Variants in BRINP1 observed in about 807,000 individuals in gnomAD.
BRINP1 encodes the protein BMP/retinoic acid inducible neural specific 1, also known as BMP/retinoic acid-inducible neural-specific protein 1.
A neutral mutation model predicts 72.9 loss-of-function variants in BRINP1; 17 were observed. The observed-to-expected ratio is 0.23, with a 90% CI of 0.16 to 0.35. The LOEUF is 0.35. Ranked by LOEUF, BRINP1 falls within the 10% of genes least tolerant of loss-of-function variation. The probability of loss-of-function intolerance (pLI) is 1.00; values close to 1 mark genes in which losing one functional copy is unlikely to be tolerated. For missense variants in BRINP1, 850 were observed against 1,001.6 expected, an observed-to-expected ratio of 0.85 and a Z score of 2.04; for synonymous variants, 418 against 378.5, an observed-to-expected ratio of 1.10 and a Z score of -1.21.
chr9:119,313,023 G>T, intron 2 of BRINP1, 115 bp downstream of exon 2: 1 of 1,205,256 alleles, frequency 8.3e-7, no homozygotes, highest in Non-Finnish European at 1.1e-6. Context: ...TGTGGAAGGA[G>T]CACAGACCCT....
intron 2 of BRINP1, among the ~76,000 whole-genome samples, chr9:119,250,367 A>G (rs1229218988): frequency 2.0e-5 from 3 of 152,200 alleles, no homozygotes; most frequent in Non-Finnish European, 4.4e-5. Context: ...GCCTTCACTA[A>G]TAACAGAGGA....
chr9:119,356,541 G>A (rs547940375), intron 1 of BRINP1, among the ~76,000 whole-genome samples: 18 of 152,252 alleles, frequency 1.2e-4, no homozygotes, highest in Admixed American at 9.8e-4. Context: ...AGTGGTTCAC[G>A]CCTGTAATCC....
chr9:119,282,135 T>A (rs1401681145), intron 2 of BRINP1, among the ~76,000 whole-genome samples: 1 of 152,198 alleles, frequency 6.6e-6, no homozygotes, highest in Non-Finnish European at 1.5e-5. Flanking sequence ...CTCTGAGGGT[T>A]TGAATAGTTT....
chr9:119,190,848 A>C (rs1004388231), intron 7 of BRINP1, among the ~76,000 whole-genome samples: 2 of 152,056 alleles, frequency 1.3e-5, no homozygotes, highest in Admixed American at 6.5e-5. Context: ...GACACTGCAA[A>C]AAAAGAAAAC....
intron 5 of BRINP1, among the ~76,000 whole-genome samples, chr9:119,215,866 T>C (rs1564219340): frequency 6.6e-6 from 1 of 151,862 alleles, no homozygotes; most frequent in South Asian, 2.1e-4. Flanking sequence ...CACTGCACGG[T>C]GTGGTCAAAA....
chr9:119,280,487 G>A (rs560397188), intron 2 of BRINP1, among the ~76,000 whole-genome samples: 5 of 151,162 alleles, frequency 3.3e-5, no homozygotes, highest in South Asian at 4.2e-4. Context: ...CTCGTGATCC[G>A]CCTGCCTCAG....
At chr9:119,233,680 G>C (rs1370536611) in intron 5 of BRINP1, among the ~76,000 whole-genome samples, 1 of 152,086 alleles carries the variant, frequency 6.6e-6, no homozygotes, top group African/African-American at 2.4e-5. Context: ...TACAAATAAA[G>C]CATGTGCAGC....
At chr9:119,168,321 A>AGAT (rs1198436485) in intron 7 of BRINP1, 97 bp from the exon 8 acceptor site, 3 of 978,034 alleles carry the variant, frequency 3.1e-6, no homozygotes, top group Admixed American at 3.2e-5. Context: ...GCTGCCAAAA[A>AGAT]GATGAAAGGA....
At chr9:119,305,613 C>G (rs1830987511) in intron 2 of BRINP1, among the ~76,000 whole-genome samples, 1 of 152,130 alleles carries the variant, frequency 6.6e-6, no homozygotes, top group African/African-American at 2.4e-5. Flanking sequence ...TCCTTGAAGC[C>G]TATGTTCAAC....
At chr9:119,264,669 G>A (rs559361195) in intron 2 of BRINP1, among the ~76,000 whole-genome samples, 1 of 152,152 alleles carries the variant, frequency 6.6e-6, no homozygotes, top group South Asian at 2.1e-4. Flanking sequence ...TGAAAATGTA[G>A]CCCTGATGTT....
rs562611960 is a variant in BRINP1 at position 119,225,227 on chromosome 9, C to A, written c.686-11072G>T. ...CATAAAACGGAATGAAGTACTGATACATGCTACAACATAGATGAACCTTGA... is the reference window on the plus strand; with the variant it reads ...CATAAAACGGAATGAAGTACTGATAAATGCTACAACATAGATGAACCTTGA... On this transcript the variant is annotated intron_variant, in intron 5 of 7. Coordinates refer to ENST00000265922, the MANE Select transcript of BRINP1 (RefSeq NM_014618.3). Among the ~76,000 whole-genome samples, 5 of 152,144 alleles carry A rather than the reference C, an allele frequency of 3.3e-5. No homozygotes were observed. In the South Asian group the frequency reaches 8.3e-4, roughly 25 times the overall value.
At chr9:119,213,707 A>G in intron 6 of BRINP1, 1 of 629,326 alleles carries the variant, frequency 1.6e-6, no homozygotes, top group Non-Finnish European at 2.8e-6. Context: ...ATGACCACAA[A>G]CTGGATTATG....
intron 2 of BRINP1, among the ~76,000 whole-genome samples, chr9:119,271,563 A>G (rs1830605146): frequency 6.6e-6 from 1 of 152,136 alleles, no homozygotes; most frequent in South Asian, 2.1e-4. Flanking sequence ...TATTGTTTAT[A>G]TATGTCCTCA....
chr9:119,275,681 A>C (rs1204338288), intron 2 of BRINP1, among the ~76,000 whole-genome samples: 2 of 152,246 alleles, frequency 1.3e-5, no homozygotes, highest in Non-Finnish European at 2.9e-5. Flanking sequence ...AATCTCCAGT[A>C]ATACCTATAG....
intron 1 of BRINP1, among the ~76,000 whole-genome samples, chr9:119,354,092 T>A (rs1831534180): frequency 6.6e-6 from 1 of 152,110 alleles, no homozygotes; most frequent in African/African-American, 2.4e-5. Context: ...GGTAATTTTT[T>A]AAAAATATCA....
At chr9:119,243,667 C>T (rs1300803418) in intron 3 of BRINP1, among the ~76,000 whole-genome samples, 2 of 152,210 alleles carry the variant, frequency 1.3e-5, no homozygotes, top group African/African-American at 4.8e-5. Context: ...TACGTTCCCA[C>T]CAACAGTGTA....
At chr9:119,209,043 A>G (rs947202597) in intron 6 of BRINP1, 102 bp from the exon 7 acceptor site, 2 of 952,354 alleles carry the variant, frequency 2.1e-6, no homozygotes, top group Non-Finnish European at 3.2e-6. Context: ...CCAGGCCTGC[A>G]AACATAATTT....
At chr9:119,236,774 CTTTCTGTCTACTCTTT>C (rs1326013000) in intron 5 of BRINP1, among the ~76,000 whole-genome samples, 6 of 152,132 alleles carry the variant, frequency 3.9e-5, no homozygotes, top group Non-Finnish European at 5.9e-5. Flanking sequence ...ATTAGTAAAT[CTTTCTGTCTACTCTTT>C]TTTCTGTCTA....
rs867842541 is a variant in BRINP1 at position 119,257,071 on chromosome 9, T to C, written c.219-7921A>G. On this transcript the variant is annotated intron_variant, in intron 2 of 7. Transcript: ENST00000265922. ...ATTCTATAAAGTCCTGAACACTTGA[T>C]TCAAGTGAACTGCAAGTGTCTCTGA... 7.2e-5 allele frequency among the ~76,000 whole-genome samples: 11 copies of C among 152,334 alleles called. No individual in the cohort carries two copies. The Middle Eastern group carries it at 0.01, about 141-fold the overall frequency.
Sources: gnomAD v4.1 joint callset for allele counts (sites outside exome capture counted in the v4.1 genomes callset) on GRCh38, gnomAD v4.1.1 for gene constraint, MANE v1.5 for transcripts, NCBI Gene and HGNC (gene_info 2026-07-23, HGNC 2026-07-21) for gene names.